Variants in ZBTB24 observed in about 807,000 individuals in gnomAD.
ZBTB24 encodes zinc finger and BTB domain containing 24.
In ZBTB24, 32 loss-of-function variants were observed where a neutral mutation model predicts 53.8. The ratio of observed to expected loss-of-function variants is 0.60; its 90% CI spans 0.45 to 0.80. The LOEUF (loss-of-function observed/expected upper bound fraction) is 0.80. ZBTB24 is among the 30% of genes least tolerant of loss of function. The pLI is 0.00. For missense variants in ZBTB24, 722 were observed against 837.1 expected, an observed-to-expected ratio of 0.86 and a Z score of 1.70; for synonymous variants, 297 against 306.7, an observed-to-expected ratio of 0.97 and a Z score of 0.33.
At position 109,481,308 on chromosome 6, in the gene ZBTB24, T is replaced by A. The variant is rs1776407163; in HGVS notation, c.719A>T (p.Asp240Val). 6.2e-7 allele frequency: 1 copy of A among 1,614,078 alleles called. No homozygotes were observed. Residue 240 changes from aspartate to valine, a missense_variant, in exon 2 of 7, where the codon GAT (aspartate) becomes GTT (valine). Asp to Val is a radical substitution (Grantham distance 152). Transcript: ENST00000230122. ...EMPVEKDENY[D>V]PKTEDGQASQ... ...TGCCTGGCCATCCTCGGTCTTGGGA[T>A]CATAGTTCTCATCTTTTTCAACTGG...
chr6:109,472,524 A>C (rs1776187998), intron 5 of ZBTB24, among the ~76,000 whole-genome samples: 1 of 152,176 alleles, frequency 6.6e-6, no homozygotes, highest in Non-Finnish European at 1.5e-5. Context: ...AACAGAACCA[A>C]GGGGAAGTGC....
At chr6:109,468,332 G>C (rs527405198) in intron 5 of ZBTB24, among the ~76,000 whole-genome samples, 1 of 151,626 alleles carries the variant, frequency 6.6e-6, no homozygotes, top group African/African-American at 2.4e-5. Flanking sequence ...TTTATGCTTG[G>C]GCTGCAAATG....
chr6:109,464,759 T>C lies in ZBTB24; in HGVS notation c.*1092A>G, dbSNP rs1054379911. The C allele has an allele frequency of 1.3e-5, 2 of 152,176 alleles. No individual in the cohort carries two copies. Among genetic ancestry groups the C allele is most frequent in the African/African-American group, 4.8e-5 (2 of 41,444 alleles). The allele number at this position is 152,176 out of a possible 1,614,324, so 9.4% of individuals were successfully genotyped here. On this transcript the variant is annotated 3_prime_UTR_variant, in exon 7 of 7. Transcript: ENST00000230122. ...AATTCGAGGTTACAGTGAGCAATGA[T>C]TGTGCCACTACACTCTGGCCTGGGT...
chr6:109,474,664 G>A (rs1324193268), intron 5 of ZBTB24, among the ~76,000 whole-genome samples: 4 of 151,710 alleles, frequency 2.6e-5, no homozygotes, highest in Non-Finnish European at 4.4e-5. Context: ...AACCCGGGAG[G>A]CAGAGGTTGC....
At chr6:109,476,538 T>C (rs966073944) in intron 3 of ZBTB24, among the ~76,000 whole-genome samples, 7 of 152,224 alleles carry the variant, frequency 4.6e-5, no homozygotes, top group African/African-American at 1.7e-4. Context: ...GGTGGTTTAA[T>C]AAAACATGCT....
chr6:109,467,863 C>A lies in ZBTB24; in HGVS notation c.1289-129G>T, dbSNP rs1776083599. The A allele has an allele frequency of 6.6e-6, 7 of 1,061,094 alleles. No homozygotes were observed. In the South Asian group the frequency reaches 1.0e-4, roughly 16 times the overall value. 65.7% of individuals were successfully genotyped at this position (1,061,094 alleles called of 1,614,324 possible). A position where few individuals can be genotyped will look rare whatever the true frequency, so the allele number is the denominator to read the frequency against. On this transcript the variant is annotated intron_variant, in intron 5 of 6. Transcript: ENST00000230122. ...ATAAACAGAACAAAGGCAATCCCCT[C>A]CGTAAGCGTAAACGAATGATGCACT...
chr6:109,478,276 T>G (rs1285814400), intron 2 of ZBTB24, among the ~76,000 whole-genome samples: 1 of 152,150 alleles, frequency 6.6e-6, no homozygotes, highest in Non-Finnish European at 1.5e-5. Flanking sequence ...GGATATAGAT[T>G]AAAAGAAGTT....
At chr6:109,478,256 C>T (rs993287634) in intron 2 of ZBTB24, among the ~76,000 whole-genome samples, 10 of 152,154 alleles carry the variant, frequency 6.6e-5, no homozygotes, top group African/African-American at 1.9e-4. Context: ...GTCTTTGGGA[C>T]GCAGACCTTG....
At chr6:109,477,167 A>C (rs1456077067) in intron 2 of ZBTB24, among the ~76,000 whole-genome samples, 1 of 152,050 alleles carries the variant, frequency 6.6e-6, no homozygotes, top group Non-Finnish European at 1.5e-5. Context: ...ACAGGGTCTC[A>C]CTCTATCACC....
rs541525378 is a variant in ZBTB24 at position 109,478,182 on chromosome 6, G to C, written c.953-1252C>G. ...ATCTCCGTGATTTAGCAGAAGATAA[G>C]GGTAATCACCCCAGCACCTAGACCC... On this transcript the variant is annotated intron_variant, in intron 2 of 6. Coordinates refer to ENST00000230122, the MANE Select transcript of ZBTB24 (RefSeq NM_014797.3). Among the ~76,000 whole-genome samples the C allele has an allele frequency of 3.3e-3, 503 of 152,274 alleles. 1 individual carries two copies. The highest frequency in any genetic ancestry group is 0.017 in the Middle Eastern group (5 of 294).
intron 2 of ZBTB24, among the ~76,000 whole-genome samples, chr6:109,480,026 C>T (rs1438845443): frequency 2.6e-5 from 4 of 151,490 alleles, no homozygotes; most frequent in Non-Finnish European, 5.9e-5. Context: ...GCTCTTCAAC[C>T]TATCTGTAGC....
chr6:109,463,339 G>A lies in ZBTB24; in HGVS notation c.*2512C>T, dbSNP rs1286302944. ...AATGTATATGTGGGACAAAGAAAGA[G>A]GCTAGATTAACAAAGCTATCATTTC... On this transcript the variant is annotated 3_prime_UTR_variant, in exon 7 of 7. Transcript: ENST00000230122. 6.6e-6 allele frequency: 1 copy of A among 152,146 alleles called. No homozygotes were observed. The highest frequency in any genetic ancestry group is 1.5e-5 in the Non-Finnish European group (1 of 68,034). 9.4% of individuals were successfully genotyped at this position (152,146 alleles called of 1,614,324 possible).
Position 109,476,175 on chromosome 6 carries a change from CT to C in ZBTB24, c.1203del (p.Gly402AlafsTer20). On this transcript the variant is annotated frameshift_variant and splice_region_variant, in exon 4 of 7. Transcript: ENST00000230122. LOFTEE classifies it high-confidence loss of function. ...RQLKSHYRVH[T>X]GHSLPECKDC... ...TCTAAATGTTCTCACTTTATCGTAC[CT>C]GTATGAACTCGGTAATGGCTCTTTA... The C allele has an allele frequency of 6.2e-7, 1 of 1,613,974 alleles. No homozygotes were observed. Among genetic ancestry groups the C allele is most frequent in the South Asian group, 1.1e-5 (1 of 91,012 alleles).
chr6:109,476,986 C>T (rs1451505260), intron 2 of ZBTB24, 56 bp from the exon 3 acceptor site: 1 of 1,592,126 alleles, frequency 6.3e-7, no homozygotes, highest in South Asian at 1.1e-5. Flanking sequence ...ATTTTTCTGT[C>T]TCTCCCAAAT....
At chr6:109,476,147 C>CA in intron 4 of ZBTB24, 28 bp downstream of exon 4, 1 of 1,608,870 alleles carries the variant, frequency 6.2e-7, no homozygotes, top group Non-Finnish European at 8.5e-7. Context: ...TCTTCCCCCC[C>CA]AATCTAAATG....
chr6:109,468,609 T>C (rs1198718250), intron 5 of ZBTB24, among the ~76,000 whole-genome samples: 1 of 152,178 alleles, frequency 6.6e-6, no homozygotes, highest in Non-Finnish European at 1.5e-5. Context: ...TCCACAATGC[T>C]ATTGCTGCCT....
At chr6:109,476,586 A>G (rs959693023) in intron 3 of ZBTB24, among the ~76,000 whole-genome samples, 177 bp downstream of exon 3, 4 of 152,258 alleles carry the variant, frequency 2.6e-5, no homozygotes, top group Non-Finnish European at 5.9e-5. Flanking sequence ...TATAAGCTCT[A>G]GTTTAATGAT....
chr6:109,465,447 G>T lies in ZBTB24; in HGVS notation c.*404C>A. On this transcript the variant is annotated 3_prime_UTR_variant, in exon 7 of 7. Coordinates refer to ENST00000230122, the MANE Select transcript of ZBTB24 (RefSeq NM_014797.3). Reference sequence around the variant, plus strand: ...ATAAGAAAATAGAACAAACCATTCTGCCCAGTTCAACCAAAATGACTCCCT... The same window carrying T: ...ATAAGAAAATAGAACAAACCATTCTTCCCAGTTCAACCAAAATGACTCCCT... 1.7e-6 allele frequency: 1 copy of T among 592,294 alleles called. No individual in the cohort carries two copies. The highest frequency in any genetic ancestry group is 3.0e-6 in the Non-Finnish European group (1 of 337,466). The allele number at this position is 592,294 out of a possible 1,614,324, so 36.7% of individuals were successfully genotyped here.
intron 2 of ZBTB24, among the ~76,000 whole-genome samples, chr6:109,480,284 G>C (rs1776374109): frequency 1.3e-5 from 2 of 152,186 alleles, no homozygotes; most frequent in African/African-American, 4.8e-5. Context: ...AAAGCAGAGT[G>C]GGTTTTAAGC....
Sources: gnomAD v4.1 joint callset for allele counts (sites outside exome capture counted in the v4.1 genomes callset) on GRCh38, gnomAD v4.1.1 for gene constraint, MANE v1.5 for transcripts, NCBI Gene and HGNC (gene_info 2026-07-23, HGNC 2026-07-21) for gene names.